Variants in SP4 observed in about 807,000 individuals in gnomAD.
The protein encoded by SP4 is Sp4 transcription factor.
Under a neutral mutation model 72.8 loss-of-function variants are expected in SP4, and 19 were observed. The ratio of observed to expected loss-of-function variants is 0.26; its 90% confidence interval spans 0.18 to 0.38. The LOEUF (loss-of-function observed/expected upper bound fraction) is 0.38, where lower values mean the gene tolerates loss of function less well. SP4 is among the 10% of genes least tolerant of loss of function. The pLI, the probability that SP4 is intolerant of heterozygous loss-of-function variation, is 1.00. For synonymous variants in SP4, 395 were observed against 333.1 expected, an observed-to-expected ratio of 1.19 and a Z score of -2.02; for missense variants, 1,008 against 926.3, an observed-to-expected ratio of 1.09 and a Z score of -1.14.
intron 3 of SP4, among the ~76,000 whole-genome samples, chr7:21,442,106 T>C (rs965150501): frequency 2.2e-4 from 33 of 147,420 alleles, no homozygotes; most frequent in Admixed American, 5.5e-4. Flanking sequence ...TGCCACAATC[T>C]CGGCTCGCTG....
At chr7:21,494,051 C>T in intron 5 of SP4, among the ~76,000 whole-genome samples, 1 of 152,130 alleles carries the variant, frequency 6.6e-6, no homozygotes, top group East Asian at 1.9e-4. Context: ...AATCACATGA[C>T]AGCAAACACA....
At chr7:21,429,235 A>T (rs1438137911) in intron 2 of SP4, 54 bp from the exon 3 acceptor site, 2 of 1,051,152 alleles carry the variant, frequency 1.9e-6, no homozygotes, top group African/African-American at 3.9e-5. Flanking sequence ...CCTCCACTAA[A>T]TCCGCCCACT....
At chr7:21,473,554 A>C (rs771098892) in intron 3 of SP4, among the ~76,000 whole-genome samples, 25 of 152,212 alleles carry the variant, frequency 1.6e-4, no homozygotes, top group Non-Finnish European at 3.7e-4. Context: ...CCAAATTATA[A>C]AAGGACAAAG....
rs1421230748 is a variant in SP4, at chr7:21,429,972, A to G, written c.807A>G (p.Pro269=). ...INIGGVTLAL[P]VINNVAAGGG... ...TTGGAGGAGTGACTCTAGCTTTGCC[A>G]GTGATAAACAACGTGGCTGCCGGAG... is the stretch of plus-strand genomic sequence containing the variant. Residue 269 remains proline, a synonymous_variant, in exon 3 of 6, where the codon CCA becomes CCG. Transcript: ENST00000222584. 2 of 1,614,232 alleles carry G rather than the reference A, an allele frequency of 1.2e-6. No individual in the cohort carries two copies. The highest frequency in any genetic ancestry group is 1.6e-4 in the Middle Eastern group (1 of 6,062).
At chr7:21,485,908 G>T (rs572096689) in intron 5 of SP4, among the ~76,000 whole-genome samples, 8 of 151,644 alleles carry the variant, frequency 5.3e-5, no homozygotes, top group Non-Finnish European at 1.2e-4. Flanking sequence ...TTCTCTGTTC[G>T]TTTTAGATCT....
chr7:21,476,128 G>T (rs1196510762), intron 3 of SP4, among the ~76,000 whole-genome samples: 1 of 151,982 alleles, frequency 6.6e-6, no homozygotes, highest in East Asian at 1.9e-4. Flanking sequence ...AAAAAAATTA[G>T]CTGGGCATGG....
intron 3 of SP4, among the ~76,000 whole-genome samples, chr7:21,466,632 C>G (rs560287027): frequency 3.7e-4 from 56 of 152,290 alleles, no homozygotes; most frequent in Non-Finnish European, 4.1e-4. Context: ...AAGTCATTGG[C>G]TAATGGGGTT....
chr7:21,431,061 G>GT (rs982400069), intron 3 of SP4, among the ~76,000 whole-genome samples: 4 of 152,136 alleles, frequency 2.6e-5, no homozygotes, highest in African/African-American at 9.7e-5. Flanking sequence ...AAATTTGTTA[G>GT]TTTTTTAAAA....
intron 3 of SP4, among the ~76,000 whole-genome samples, chr7:21,465,864 TA>T (rs747013054): frequency 2.2e-4 from 32 of 148,192 alleles, no homozygotes; most frequent in African/African-American, 5.4e-4. Context: ...CCCTGTCTCT[TA>T]AAAAAAAAAG....
chr7:21,430,423 A>T lies in SP4; in HGVS notation c.1258A>T (p.Ile420Phe). ...QQPQQQIIQAIPPQSFQLQSG... is the reference protein window; with the variant it reads ...QQPQQQIIQAFPPQSFQLQSG... ...GCCTCAGCAACAGATCATTCAGGCT[A>T]TTCCACCACAGTCGTTTCAACTCCA... The change falls in exon 3 of 6, where the codon ATT (isoleucine) becomes TTT (phenylalanine). Residue 420 changes from isoleucine to phenylalanine, a missense_variant. By Grantham distance (21) the Ile-to-Phe change is conservative. Around this residue, in one of 3 missense-constraint regions of SP4, gnomAD observed 893 missense variants for 743.3 expected, o/e 1.20. Coordinates refer to ENST00000222584, the MANE Select transcript of SP4 (RefSeq NM_003112.5). 6.2e-7 allele frequency: 1 copy of T among 1,614,206 alleles called. No homozygotes were observed. The highest frequency in any genetic ancestry group is 8.5e-7 in the Non-Finnish European group (1 of 1,180,032).
intron 3 of SP4, among the ~76,000 whole-genome samples, chr7:21,475,393 C>A (rs1784469408): frequency 6.6e-6 from 1 of 151,992 alleles, no homozygotes; most frequent in African/African-American, 2.4e-5. Context: ...GGATTACAGG[C>A]CTGAGCCACC....
chr7:21,502,540 A>G (rs1031292401), intron 5 of SP4, among the ~76,000 whole-genome samples: 1 of 152,070 alleles, frequency 6.6e-6, no homozygotes, highest in Non-Finnish European at 1.5e-5. Flanking sequence ...TCAGTATTCC[A>G]TCCTAGGGGA....
chr7:21,508,752 C>A (rs1329322510), intron 5 of SP4, among the ~76,000 whole-genome samples: 1 of 151,382 alleles, frequency 6.6e-6, no homozygotes, highest in Non-Finnish European at 1.5e-5. Context: ...GGCTTGCCAA[C>A]TGTGGCTTGG....
Position 21,511,294 on chromosome 7 carries a change from T to C in SP4, c.*25T>C, listed in dbSNP as rs1355099498. ...AAAAGTTATTTATAACAGAGACCTC[T>C]AGTGCTGCACTTGTTTACACACCTT... On this transcript the variant is annotated 3_prime_UTR_variant, in exon 6 of 6. Coordinates refer to ENST00000222584, the MANE Select transcript of SP4 (RefSeq NM_003112.5). 2 of 1,606,544 alleles carry C rather than the reference T, an allele frequency of 1.2e-6. No homozygotes were observed. The highest frequency in any genetic ancestry group is 1.7e-6 in the Non-Finnish European group (2 of 1,175,420).
intron 5 of SP4, among the ~76,000 whole-genome samples, chr7:21,488,194 G>A (rs551880982): frequency 1.7e-4 from 26 of 152,194 alleles, no homozygotes; most frequent in African/African-American, 6.3e-4. Context: ...AGGTAACTGG[G>A]TGGAACACTG....
intron 3 of SP4, among the ~76,000 whole-genome samples, chr7:21,447,397 T>C (rs1452446070): frequency 1.3e-5 from 2 of 152,224 alleles, no homozygotes; most frequent in South Asian, 2.1e-4. Context: ...CTTGGACTTC[T>C]GGTTAGTGTG....
intron 5 of SP4, among the ~76,000 whole-genome samples, chr7:21,493,671 A>G (rs1053074587): frequency 2.6e-5 from 4 of 151,424 alleles, no homozygotes; most frequent in African/African-American, 9.7e-5. Flanking sequence ...GAATGCTCCT[A>G]TATCTGTTAA....
Position 21,438,824 on chromosome 7 carries a change from G to C in SP4, c.1678+7981G>C, listed in dbSNP as rs1183327587. ...TTATACCCTCTGTATATGCTAACAAGTCACTTAGTAACCTTCTCAACTGCT... is the reference window on the plus strand; with the variant it reads ...TTATACCCTCTGTATATGCTAACAACTCACTTAGTAACCTTCTCAACTGCT... On this transcript the variant is annotated intron_variant, in intron 3 of 5. Coordinates refer to ENST00000222584, the MANE Select transcript of SP4 (RefSeq NM_003112.5). Among the ~76,000 whole-genome samples the C allele has an allele frequency of 3.3e-5, 5 of 152,292 alleles. No homozygotes were observed. The East Asian group carries it at 9.6e-4, about 29-fold the overall frequency.
chr7:21,488,804 A>G (rs1376681900), intron 5 of SP4, among the ~76,000 whole-genome samples: 2 of 151,918 alleles, frequency 1.3e-5, no homozygotes. Context: ...TACTATAATG[A>G]TACAACTAAA....
Sources: gnomAD v4.1 joint callset for allele counts (sites outside exome capture counted in the v4.1 genomes callset) on GRCh38, gnomAD v4.1.1 for gene constraint, gnomAD v4.1.1 regional missense constraint, MANE v1.5 for transcripts, NCBI Gene and HGNC (gene_info 2026-07-23, HGNC 2026-07-21) for gene names.